The following BAZ1A variants were observed in gnomAD, a reference collection of about 807,000 sequenced individuals.
BAZ1A encodes bromodomain adjacent to zinc finger domain protein 1A.
In BAZ1A, 50 loss-of-function variants were observed where a neutral mutation model predicts 185.2. The ratio of observed to expected loss-of-function variants is 0.27; its 90% confidence interval spans 0.22 to 0.34. BAZ1A has a LOEUF of 0.34. BAZ1A is among the 10% of genes least tolerant of loss of function. The probability of loss-of-function intolerance (pLI) is 1.00; values close to 1 mark genes in which losing one functional copy is unlikely to be tolerated. For synonymous variants in BAZ1A, 571 were observed against 615.6 expected, an observed-to-expected ratio of 0.93 and a Z score of 1.07; for missense variants, 1,356 against 1,839.9, an observed-to-expected ratio of 0.74 and a Z score of 4.81.
In BAZ1A at chr14:34,790,341, GATTT is replaced by G. The variant is rs559832426; in HGVS notation, c.1510+2430_1510+2433del. ...TGCACCACTACACCTGGCTAATTTTGATTTATTTATTTGTTTATTTATTTATTTG... is the reference window on the plus strand; with the variant it reads ...TGCACCACTACACCTGGCTAATTTTGATTTATTTGTTTATTTATTTATTTG... On this transcript the variant is annotated intron_variant, in intron 12 of 26. Coordinates refer to ENST00000360310, the MANE Select transcript of BAZ1A (RefSeq NM_013448.3). 5.4e-3 allele frequency among the ~76,000 whole-genome samples: 822 copies of G among 151,702 alleles called. 3 individuals carry two copies. The highest frequency in any genetic ancestry group is 0.014 in the Middle Eastern group (4 of 294).
Position 34,773,701 on chromosome 14 carries a change from G to A in BAZ1A, c.3023C>T (p.Ser1008Leu). The A allele has an allele frequency of 6.2e-7, 1 of 1,613,328 alleles. No homozygotes were observed. Among genetic ancestry groups the A allele is most frequent in the Non-Finnish European group, 8.5e-7 (1 of 1,179,852 alleles). Residue 1008 changes from serine (S) to leucine (L), a missense_variant, in exon 20 of 27, where the codon TCA becomes TTA. By Grantham distance (145) the Ser-to-Leu change is moderately radical (BLOSUM62 -2). This residue lies in a region of BAZ1A where 434 missense variants were observed against 561.7 expected (regional missense o/e 0.77). Transcript: ENST00000360310. Reference sequence around the variant, plus strand: ...CTCATACCGTCCACTTTCTAATGCTGATCTCCAGATATGTCGATCTGTAAC... The same window carrying A: ...CTCATACCGTCCACTTTCTAATGCTAATCTCCAGATATGTCGATCTGTAAC... ...IKVTDRHIWRSALESGRYELL... is the reference protein window; with the variant it reads ...IKVTDRHIWRLALESGRYELL...
chr14:34,826,627 G>A (rs1046437284), intron 3 of BAZ1A, among the ~76,000 whole-genome samples: 1 of 152,148 alleles, frequency 6.6e-6, no homozygotes, highest in South Asian at 2.1e-4. Context: ...CACTGGTTAA[G>A]AGTGTGTTTT....
At chr14:34,782,063 C>T (rs546911537) in intron 16 of BAZ1A, among the ~76,000 whole-genome samples, 1 of 152,284 alleles carries the variant, frequency 6.6e-6, no homozygotes, top group South Asian at 2.1e-4. Flanking sequence ...TCTAGGAGTG[C>T]AACTACTGGG....
chr14:34,862,852 T>C (rs1200415), intron 2 of BAZ1A, among the ~76,000 whole-genome samples: 32,843 of 151,590 alleles, frequency 0.22, 3,736 homozygotes, highest in Middle Eastern at 0.31. Context: ...CATAGGTTTC[T>C]GGAATGTCAT....
intron 3 of BAZ1A, among the ~76,000 whole-genome samples, chr14:34,827,198 C>A (rs2042176310): frequency 6.6e-6 from 1 of 152,164 alleles, no homozygotes; most frequent in South Asian, 2.1e-4. Context: ...TGTGACCTAG[C>A]ATAAGGTTTA....
intron 6 of BAZ1A, among the ~76,000 whole-genome samples, chr14:34,804,224 TCTCGAA>T (rs1235396327): frequency 2.0e-5 from 3 of 152,196 alleles, no homozygotes; most frequent in African/African-American, 7.2e-5. Flanking sequence ...GCCAGGCTGG[TCTCGAA>T]CTCCTGACCT....
chr14:34,854,264 A>C (rs1423456588), intron 3 of BAZ1A, among the ~76,000 whole-genome samples: 5 of 151,930 alleles, frequency 3.3e-5, no homozygotes, highest in Admixed American at 1.3e-4. Context: ...CTGTCTAAAA[A>C]TACAAAAATT....
rs1228026079 is a variant in BAZ1A, at chr14:34,863,155, T to A, written c.114-833A>T. Among the ~76,000 whole-genome samples the A allele has an allele frequency of 6.0e-4, 41 of 68,800 alleles. 3 individuals carry two copies. The highest frequency in any genetic ancestry group is 1.6e-3 in the African/African-American group (23 of 14,562). 45.1% of individuals were successfully genotyped at this position (68,800 alleles called of 152,430 possible). On this transcript the variant is annotated intron_variant, in intron 2 of 26. Transcript: ENST00000360310. ...AGGTGCCCGCCACCACGCTCGGCTT[T>A]TTTTTTTTTTTTTTTTTTTTTTTTT...
chr14:34,803,584 T>C (rs1353770944), intron 6 of BAZ1A, among the ~76,000 whole-genome samples: 1 of 151,956 alleles, frequency 6.6e-6, no homozygotes, highest in Non-Finnish European at 1.5e-5. Flanking sequence ...AAATTACATA[T>C]ATATTATACA....
Position 34,826,171 on chromosome 14 carries a change from T to C in BAZ1A, c.393-15A>G. 1.2e-6 allele frequency: 2 copies of C among 1,604,700 alleles called. No homozygotes were observed. The highest frequency in any genetic ancestry group is 2.7e-5 in the African/African-American group (2 of 74,640). ...TACACTGCAACCTGAAATAAAATGA[T>C]ACATTTAAAAATGCAAATCATTTCA... is the stretch of plus-strand genomic sequence containing the variant. On this transcript the variant is annotated splice_polypyrimidine_tract_variant and intron_variant, in intron 3 of 26. Transcript: ENST00000360310.
At chr14:34,840,764 AAAAC>A (rs112881728) in intron 3 of BAZ1A, among the ~76,000 whole-genome samples, 70,338 of 148,822 alleles carry the variant, frequency 0.47, 16,966 homozygotes, top group South Asian at 0.55. Context: ...CTCCCCCCCA[AAAAC>A]AAACAAACAA....
In BAZ1A at chr14:34,774,432, A is replaced by G. The variant is rs376373480; in HGVS notation, c.2892T>C (p.Tyr964=). 3 of 1,612,522 alleles carry G rather than the reference A, an allele frequency of 1.9e-6. No individual in the cohort carries two copies. The highest frequency in any genetic ancestry group is 1.7e-6 in the Non-Finnish European group (2 of 1,179,328). ...TYSRGRSSNA[Y]DPSQMCAEKQ... ...TTTCTGCACACATCTGAGATGGATC[A>G]TATGCATTGGAAGATCTTCCCCGAC... The change falls in exon 19 of 27, where the codon TAT becomes TAC. Residue 964 remains tyrosine (Y), a synonymous_variant. Transcript: ENST00000360310.
rs113849521 is a variant in BAZ1A, at chr14:34,861,842, G to A, written c.392+202C>T. 4.4e-3 allele frequency among the ~76,000 whole-genome samples: 663 copies of A among 152,230 alleles called. 3 individuals are homozygous for A. Among genetic ancestry groups the A allele is most frequent in the Admixed American group, 6.3e-3 (96 of 15,276 alleles). On this transcript the variant is annotated intron_variant, in intron 3 of 26. Transcript: ENST00000360310. The stretch of plus-strand genomic sequence containing the variant: ...TATATACACATACAGACGCATGCAC[G>A]TATATGTTTTTGGTGGCATATATAT...
At chr14:34,777,393 C>G (rs1485719497) in intron 17 of BAZ1A, among the ~76,000 whole-genome samples, 1 of 152,202 alleles carries the variant, frequency 6.6e-6, no homozygotes, top group Non-Finnish European at 1.5e-5. Context: ...CCTGTAATCC[C>G]AGAACTTTGG....
chr14:34,801,023 C>T, intron 8 of BAZ1A, 71 bp downstream of exon 8: 2 of 1,082,112 alleles, frequency 1.8e-6, no homozygotes, highest in Non-Finnish European at 2.6e-6. Context: ...TCGGAAACAT[C>T]CCCCACTCAG....
At position 34,761,896 on chromosome 14, in the gene BAZ1A, T is replaced by C; in HGVS notation, c.4104A>G (p.Pro1368=). The C allele has an allele frequency of 6.2e-7, 1 of 1,614,222 alleles. No individual in the cohort carries two copies. Among genetic ancestry groups the C allele is most frequent in the Non-Finnish European group, 8.5e-7 (1 of 1,180,022 alleles). Residue 1368 remains proline, a synonymous_variant, in exon 24 of 27, where the codon CCA becomes CCG. Coordinates refer to ENST00000360310, the MANE Select transcript of BAZ1A (RefSeq NM_013448.3). ...AGTTAGGGAAGTTGGGACTATTTTC[T>C]GGTGTATTATTAGCACTTTTCCTGC... ...RRGRKSANNT[P]ENSPNFPNFR... is the part of the protein sequence containing the mutation.
chr14:34,823,542 C>T (rs1249634831), intron 4 of BAZ1A, among the ~76,000 whole-genome samples: 1 of 151,980 alleles, frequency 6.6e-6, no homozygotes, highest in East Asian at 1.9e-4. Context: ...TGCCTTTAAT[C>T]CCAGCTACTA....
intron 6 of BAZ1A, 134 bp downstream of exon 6, chr14:34,807,317 C>T (rs979596595): frequency 3.7e-6 from 2 of 544,582 alleles, no homozygotes; most frequent in Non-Finnish European, 5.8e-6. Flanking sequence ...TTCAGAAGTA[C>T]TAAAAATTGG....
intron 26 of BAZ1A, 44 bp downstream of exon 26, chr14:34,754,783 T>C: frequency 1.5e-6 from 2 of 1,368,418 alleles, no homozygotes; most frequent in South Asian, 2.6e-5. Context: ...TATAACAAAA[T>C]GCCTTAGAAA....
Sources: gnomAD v4.1 joint callset for allele counts (sites outside exome capture counted in the v4.1 genomes callset) on GRCh38, gnomAD v4.1.1 for gene constraint, gnomAD v4.1.1 regional missense constraint, MANE v1.5 for transcripts, NCBI Gene and HGNC (gene_info 2026-07-23, HGNC 2026-07-21) for gene names.